IFITM10: variants seen among roughly 807,000 people sequenced by gnomAD.
IFITM10 encodes the protein interferon induced transmembrane protein 10.
In IFITM10, 17 loss-of-function variants were observed where a neutral mutation model predicts 19.0. The observed-to-expected ratio is 0.90, with a 90% CI of 0.61 to 1.34. The LOEUF is 1.34. IFITM10 is among the 40% of genes most tolerant of loss of function. IFITM10 has a pLI of 0.00. For missense variants in IFITM10, 306 were observed against 319.8 expected, an observed-to-expected ratio of 0.96 and a Z score of 0.33; for synonymous variants, 148 against 147.2, an observed-to-expected ratio of 1.01 and a Z score of -0.04.
chr11:1,745,743 T>C (rs1330099017), intron 2 of IFITM10: 1 of 150,442 alleles, frequency 6.6e-6, no homozygotes, highest in African/African-American at 2.5e-5. Context: ...TACACACATT[T>C]ACACGTGCCA....
chr11:1,748,575 T>TA (rs1459548682), intron 1 of IFITM10: 1 of 154,662 alleles, frequency 6.5e-6, no homozygotes, highest in East Asian at 1.9e-4. Flanking sequence ...GGACACCCGA[T>TA]ACCGCCACGG....
At chr11:1,748,334 G>T in intron 1 of IFITM10, 1 of 416,658 alleles carries the variant, frequency 2.4e-6, no homozygotes, top group Non-Finnish European at 4.2e-6. Context: ...GGGACCTGGG[G>T]CTTTCATCAC....
At position 1,734,287 on chromosome 11, in the gene IFITM10, C is replaced by T. The variant is rs1851059444; in HGVS notation, c.*993G>A. The T allele has an allele frequency of 6.6e-6, 1 of 152,300 alleles. No homozygotes were observed. 9.4% of individuals were successfully genotyped at this position (152,300 alleles called of 1,614,324 possible). On this transcript the variant is annotated 3_prime_UTR_variant, in exon 3 of 3. Transcript: ENST00000340134. ...CTCCCACATTGTGGACTGCACATGC[C>T]ATGGGCCGTCAGGGCGCTGGCCTCG...
chr11:1,746,607 G>T (rs1487193280), intron 2 of IFITM10: 1 of 398,624 alleles, frequency 2.5e-6, no homozygotes, highest in Non-Finnish European at 4.4e-6. Context: ...GGGGAACGCC[G>T]ACCGCAGTTG....
intron 2 of IFITM10, among the ~76,000 whole-genome samples, chr11:1,739,155 G>A (rs1465118836): frequency 6.6e-6 from 1 of 151,902 alleles, no homozygotes; most frequent in Non-Finnish European, 1.5e-5. Context: ...CAGACTGGAA[G>A]GGCAGGTGCA....
chr11:1,746,414 TACACTC>T (rs1314602859), intron 2 of IFITM10: 21 of 397,138 alleles, frequency 5.3e-5, no homozygotes, highest in South Asian at 1.4e-4. Flanking sequence ...CACACATAGT[TACACTC>T]ACAGTACATG....
In IFITM10 at chr11:1,735,458, G is replaced by A. The variant is rs753522486; in HGVS notation, c.538-29C>T. On this transcript the variant is annotated intron_variant, in intron 2 of 2. Coordinates refer to ENST00000340134, the MANE Select transcript of IFITM10 (RefSeq NM_001170820.4). ...AAGCCGGGAGGAGGACAGGAAATGG[G>A]CAGTCAGCCAGGGAGCAGGGCCTTG... is the stretch of plus-strand genomic sequence containing the variant. 3.2e-6 allele frequency: 5 copies of A among 1,547,168 alleles called. No individual in the cohort carries two copies. The African/African-American group carries it at 6.8e-5, about 21-fold the overall frequency.
chr11:1,750,416 TG>T lies in IFITM10; in HGVS notation c.26del (p.Pro9HisfsTer120). ...AAGTCCCCCGGAAGCTGAGGATGCA[TG>T]GCGGCCCCCGTTTTCCCTCCCTCAT... MREGKRGP[P>X]CILSFRGTLE... On this transcript the variant is annotated frameshift_variant, in exon 1 of 3. Transcript: ENST00000340134. LOFTEE classifies it high-confidence loss of function. 1 of 1,550,388 alleles carries T rather than the reference TG, an allele frequency of 6.4e-7. No homozygotes were observed.
At chr11:1,740,959 TTGCTCCCACTCTTGCCATGTGAGATGCC>T (rs1845564502) in intron 2 of IFITM10, among the ~76,000 whole-genome samples, 2 of 151,944 alleles carry the variant, frequency 1.3e-5, no homozygotes, top group African/African-American at 4.8e-5. Flanking sequence ...TATCTCTCCC[TTGCTCCCACTCTTGCCATGTGAGATGCC>T]TGCTCCCACT....
Position 1,747,828 on chromosome 11 carries a change from T to G in IFITM10, c.376A>C (p.Lys126Gln), listed in dbSNP as rs759217328. Residue 126 changes from lysine (K) to glutamine (Q), a missense_variant, in exon 2 of 3, where the codon AAG becomes CAG. Lys to Gln is a moderately conservative substitution (Grantham distance 53). Coordinates refer to ENST00000340134, the MANE Select transcript of IFITM10 (RefSeq NM_001170820.4). Reference sequence around the variant, plus strand: ...ATCGTCTTCTTCTCGGCTAGGTGCTTGCAGGCAGGGGGCGCGCCGGCAGCC... The same window carrying G: ...ATCGTCTTCTTCTCGGCTAGGTGCTGGCAGGCAGGGGGCGCGCCGGCAGCC... ...VRAAGAPPAC[K>Q]HLAEKKTMTN... The G allele has an allele frequency of 6.5e-7, 1 of 1,548,878 alleles. No homozygotes were observed. Among genetic ancestry groups the G allele is most frequent in the Non-Finnish European group, 8.7e-7 (1 of 1,145,176 alleles).
chr11:1,749,158 C>G, intron 1 of IFITM10: 1 of 943,222 alleles, frequency 1.1e-6, no homozygotes, highest in Non-Finnish European at 1.3e-6. Flanking sequence ...CGGGGCTCGG[C>G]GGCGGCGCCG....
chr11:1,748,970 G>C (rs1845685893), intron 1 of IFITM10: 2 of 907,294 alleles, frequency 2.2e-6, no homozygotes, highest in African/African-American at 3.6e-5. Flanking sequence ...GCAGCCCCCA[G>C]CCCCATCCGG....
chr11:1,740,173 A>G (rs1368414107), intron 2 of IFITM10, among the ~76,000 whole-genome samples: 1 of 151,864 alleles, frequency 6.6e-6, no homozygotes, highest in Non-Finnish European at 1.5e-5. Flanking sequence ...GGTAGTGTGT[A>G]CCTGTAATCC....
rs746257026 is a variant in IFITM10 at position 1,735,306 on chromosome 11, G to A, written c.661C>T (p.Leu221=). The change falls in exon 3 of 3, where the codon CTG becomes TTG. Residue 221 remains leucine (L), a synonymous_variant. Transcript: ENST00000340134. ...ASCIILVFIF[L]RYPLTDY is the part of the protein sequence containing the mutation. ...TAGTAGTCGGTGAGGGGGTACCGCA[G>A]GAAGATGAAGACGAGGATGATGCAG... The A allele has an allele frequency of 3.2e-6, 5 of 1,551,632 alleles. No homozygotes were observed. In the African/African-American group the frequency reaches 4.1e-5, roughly 13 times the overall value.
Position 1,733,480 on chromosome 11 carries a change from C to T in IFITM10, c.*1800G>A, listed in dbSNP as rs1851050194. ...CACGGGCAGGTGCTGGCCACCCTCC[C>T]TTCCTCTGCAGGTTTCTGGGTCAGG... is the stretch of plus-strand genomic sequence containing the variant. On this transcript the variant is annotated 3_prime_UTR_variant, in exon 3 of 3. Transcript: ENST00000340134. The surrounding 1 kb of genome is among the most constrained non-coding windows in gnomAD (Gnocchi z 6.3). 6.6e-6 allele frequency: 1 copy of T among 152,496 alleles called. No individual in the cohort carries two copies. The highest frequency in any genetic ancestry group is 1.5e-5 in the Non-Finnish European group (1 of 68,320). 9.4% of individuals were successfully genotyped at this position (152,496 alleles called of 1,614,324 possible). A position where few individuals can be genotyped will look rare whatever the true frequency, so the allele number is the denominator to read the frequency against.
At chr11:1,746,931 C>A in intron 2 of IFITM10, 1 of 397,628 alleles carries the variant, frequency 2.5e-6, no homozygotes, top group East Asian at 3.6e-5. Flanking sequence ...CAGCACCAGA[C>A]ACATTGACAC....
At chr11:1,742,118 G>A (rs983776131) in intron 2 of IFITM10, among the ~76,000 whole-genome samples, 6 of 152,182 alleles carry the variant, frequency 3.9e-5, no homozygotes, top group African/African-American at 1.2e-4. Flanking sequence ...CAGGTGAATG[G>A]GATACCTGAA....
Position 1,735,245 on chromosome 11 carries a change from T to G in IFITM10, c.*35A>C. The G allele has an allele frequency of 6.5e-7, 1 of 1,548,950 alleles. No homozygotes were observed. The highest frequency in any genetic ancestry group is 8.7e-7 in the Non-Finnish European group (1 of 1,144,940). Reference sequence around the variant, plus strand: ...GACCATGAGAATAAACATGTCTCAGTGCTTGTCTCCGCCAGCAGCCGTGCC... The same window carrying G: ...GACCATGAGAATAAACATGTCTCAGGGCTTGTCTCCGCCAGCAGCCGTGCC... On this transcript the variant is annotated 3_prime_UTR_variant, in exon 3 of 3. Coordinates refer to ENST00000340134, the MANE Select transcript of IFITM10 (RefSeq NM_001170820.4).
intron 2 of IFITM10, chr11:1,746,429 T>C: frequency 2.5e-6 from 1 of 397,684 alleles, no homozygotes. Context: ...TCACAGTACA[T>C]GCCCACTTAT....
Sources: allele counts gnomAD v4.1 joint callset (sites outside exome capture counted in the v4.1 genomes callset), GRCh38; gene constraint gnomAD v4.1.1; non-coding constraint Gnocchi (gnomAD v3.1); transcripts MANE v1.5; gene names NCBI Gene and HGNC (gene_info 2026-07-23, HGNC 2026-07-21).